Variants in BPIFB6 observed in about 807,000 individuals in gnomAD.
BPIFB6 encodes BPI fold containing family B member 6.
Under a neutral mutation model 54.7 loss-of-function variants are expected in BPIFB6, and 47 were observed. That is an observed-to-expected ratio of 0.86 (90% confidence interval 0.68 to 1.10). The LOEUF is 1.10. Among genes scored for constraint, BPIFB6 ranks in the 50% least tolerant of loss-of-function variants. BPIFB6 has a pLI of 0.00. For synonymous variants in BPIFB6, 255 were observed against 225.9 expected (o/e 1.13, Z -1.16); for missense variants, 603 against 564.1 (o/e 1.07, Z -0.70).
chr20:33,036,373 T>G, intron 6 of BPIFB6, 72 bp from the exon 7 acceptor site: 1 of 1,333,264 alleles, frequency 7.5e-7, no homozygotes, highest in Non-Finnish European at 1.0e-6. Flanking sequence ...AGGTAGCAGC[T>G]GGCTGGTGCC....
intron 9 of BPIFB6, 46 bp from the exon 10 acceptor site, chr20:33,039,281 CCCTTATTTCAACTGAAGCCA>C: frequency 6.8e-7 from 1 of 1,475,354 alleles, no homozygotes. Flanking sequence ...CTTGAGGGAC[CCCTTATTTCAACTGAAGCCA>C]CCAGTCTAAG....
At chr20:33,034,319 G>C in intron 3 of BPIFB6, 29 bp downstream of exon 3, 3 of 1,466,892 alleles carry the variant, frequency 2.0e-6, no homozygotes, top group Non-Finnish European at 2.9e-6. Flanking sequence ...GGGCAGCGGG[G>C]AGGAGAACGG....
chr20:33,033,786 A>G (rs1979205901), intron 2 of BPIFB6, among the ~76,000 whole-genome samples: 1 of 152,174 alleles, frequency 6.6e-6, no homozygotes. Flanking sequence ...CGGAGATGCT[A>G]TTAGACATCC....
At position 33,036,526 on chromosome 20, in the gene BPIFB6, T is replaced by C. The variant is rs750098811; in HGVS notation, c.659T>C (p.Leu220Pro). 4.3e-6 allele frequency: 7 copies of C among 1,614,056 alleles called. No homozygotes were observed. Among genetic ancestry groups the C allele is most frequent in the African/African-American group, 2.7e-5 (2 of 74,948 alleles). ...APATTASYIQLDFSPVVQQQK... is the reference protein window; with the variant it reads ...APATTASYIQPDFSPVVQQQK... Reference sequence around the variant, plus strand: ...GCCACCACAGCCAGCTACATCCAACTGGACTTCAGTGTAAGCGCCTAGGGC... The same window carrying C: ...GCCACCACAGCCAGCTACATCCAACCGGACTTCAGTGTAAGCGCCTAGGGC... Residue 220 changes from leucine (L) to proline (P), a missense_variant, in exon 7 of 15, where the codon CTG becomes CCG. By Grantham distance (98) the Leu-to-Pro change is moderately conservative. Coordinates refer to ENST00000349552, the MANE Select transcript of BPIFB6 (RefSeq NM_174897.2).
intron 1 of BPIFB6, among the ~76,000 whole-genome samples, chr20:33,032,456 G>C (rs1393991062): frequency 6.6e-6 from 1 of 152,160 alleles, no homozygotes; most frequent in Non-Finnish European, 1.5e-5. Context: ...CCCCAGAGGA[G>C]TCCCCTAATC....
intron 1 of BPIFB6, among the ~76,000 whole-genome samples, chr20:33,032,764 G>A (rs895035667): frequency 6.6e-6 from 1 of 152,182 alleles, no homozygotes; most frequent in African/African-American, 2.4e-5. Context: ...GCCTTCCCCA[G>A]CTCTTCTCTT....
rs555134502 is a variant in BPIFB6 at position 33,040,976 on chromosome 20, G to A, written c.1142+658G>A. Among the ~76,000 whole-genome samples the A allele has an allele frequency of 1.3e-4, 20 of 150,520 alleles. No homozygotes were observed. In the East Asian group the frequency reaches 2.7e-3, roughly 20 times the overall value. ...TTGGCTCATATAACTGAAAACTTTA[G>A]GAGTAGTTCTTTTTTTTTTTTTTTT... On this transcript the variant is annotated intron_variant, in intron 11 of 14. Transcript: ENST00000349552.
At chr20:33,035,308 A>G in intron 5 of BPIFB6, among the ~76,000 whole-genome samples, 164 bp downstream of exon 5, 1 of 152,140 alleles carries the variant, frequency 6.6e-6, no homozygotes, top group East Asian at 1.9e-4. Context: ...ACAATCATCT[A>G]GTGATGTCTG....
At chr20:33,042,979 T>C in intron 13 of BPIFB6, 101 bp downstream of exon 13, 1 of 1,040,672 alleles carries the variant, frequency 9.6e-7, no homozygotes. Flanking sequence ...TGGGCCCAGA[T>C]GGGGGAAGCT....
At chr20:33,035,572 T>C (rs1568985689) in intron 5 of BPIFB6, 40 bp from the exon 6 acceptor site, 1 of 1,602,402 alleles carries the variant, frequency 6.2e-7, no homozygotes, top group South Asian at 1.1e-5. Flanking sequence ...AGGCTCTCCA[T>C]GCAGGGACCC....
chr20:33,033,039 A>C lies in BPIFB6; in HGVS notation c.153A>C (p.Ala51=). ...TCCTGGAGAAGATGGCAGCCGAGGCAGGCAAGAAACAGCCAGGGATGAAAC... is the reference window on the plus strand; with the variant it reads ...TCCTGGAGAAGATGGCAGCCGAGGCCGGCAAGAAACAGCCAGGGATGAAAC... ...SHILEKMAAE[A]GKKQPGMKPI... Residue 51 remains alanine (A), a synonymous_variant, in exon 2 of 15, where the codon GCA becomes GCC. Transcript: ENST00000349552. 6.2e-7 allele frequency: 1 copy of C among 1,614,096 alleles called. No homozygotes were observed. The highest frequency in any genetic ancestry group is 8.5e-7 in the Non-Finnish European group (1 of 1,179,962).
At position 33,037,719 on chromosome 20, in the gene BPIFB6, T is replaced by A. The variant is rs748431089; in HGVS notation, c.827T>A (p.Val276Glu). 12 of 1,614,072 alleles carry A rather than the reference T, an allele frequency of 7.4e-6. No homozygotes were observed. The East Asian group carries it at 2.2e-4, about 30-fold the overall frequency. ...GCCCTTCTGCAGAAGTCCTTTCATGTGAATATCCAGGATACAATGGTGAGC... is the reference window on the plus strand; with the variant it reads ...GCCCTTCTGCAGAAGTCCTTTCATGAGAATATCCAGGATACAATGGTGAGC... Reference protein sequence around the residue: ...ELALLQKSFHVNIQDTMIGEL... With the variant: ...ELALLQKSFHENIQDTMIGEL... The change falls in exon 8 of 15, where the codon GTG becomes GAG. Residue 276 changes from valine to glutamate, a missense_variant. Coordinates refer to ENST00000349552, the MANE Select transcript of BPIFB6 (RefSeq NM_174897.2).
At chr20:33,032,138 GA>G (rs1203434195) in intron 1 of BPIFB6, among the ~76,000 whole-genome samples, 1 of 152,166 alleles carries the variant, frequency 6.6e-6, no homozygotes, top group African/African-American at 2.4e-5. Context: ...CTGTAAAGGT[GA>G]AATGTAAAGA....
At chr20:33,043,225 C>T in intron 13 of BPIFB6, 66 bp from the exon 14 acceptor site, 1 of 1,398,718 alleles carries the variant, frequency 7.1e-7, no homozygotes, top group South Asian at 1.2e-5. Flanking sequence ...ATCCCTACCC[C>T]AGGCTGCCAC....
At chr20:33,033,471 C>T in intron 2 of BPIFB6, 1 of 454,024 alleles carries the variant, frequency 2.2e-6, no homozygotes, top group Admixed American at 2.4e-5. Flanking sequence ...GGTTCCTCTG[C>T]CAGTGCCACA....
At chr20:33,041,919 C>G (rs1465728910) in intron 11 of BPIFB6, 51 bp from the exon 12 acceptor site, 4 of 1,579,852 alleles carry the variant, frequency 2.5e-6, no homozygotes, top group Admixed American at 1.7e-5. Flanking sequence ...GCCACTGGCT[C>G]TGACCGTTCT....
chr20:33,037,738 G>T lies in BPIFB6; in HGVS notation c.846G>T (p.Met282Ile), dbSNP rs374063484. 2 of 1,613,988 alleles carry T rather than the reference G, an allele frequency of 1.2e-6. No individual in the cohort carries two copies. Among genetic ancestry groups the T allele is most frequent in the South Asian group, 2.2e-5 (2 of 91,040 alleles). ...KSFHVNIQDT[M>I]IGELPPQTTK... is the part of the protein sequence containing the mutation. ...TTCATGTGAATATCCAGGATACAAT[G>T]GTGAGCTGTCCAGTTCCCCATTTCC... The change falls in exon 8 of 15, where the codon ATG becomes ATT. Residue 282 changes from methionine (M) to isoleucine (I), a missense_variant and splice_region_variant. Coordinates refer to ENST00000349552, the MANE Select transcript of BPIFB6 (RefSeq NM_174897.2).
downstream of BPIFB6, chr20:33,044,075 C>T: frequency 6.2e-7 from 1 of 1,614,022 alleles, no homozygotes; most frequent in African/African-American, 1.3e-5. Flanking sequence ...TGCCAGCTGC[C>T]TGCTTACCAC....
At chr20:33,032,104 C>T (rs1979127387) in intron 1 of BPIFB6, among the ~76,000 whole-genome samples, 1 of 152,162 alleles carries the variant, frequency 6.6e-6, no homozygotes, top group Non-Finnish European at 1.5e-5. Flanking sequence ...GTTACTTGGC[C>T]TCCCTGTGTT....
Sources: allele counts gnomAD v4.1 joint callset (sites outside exome capture counted in the v4.1 genomes callset), GRCh38; gene constraint gnomAD v4.1.1; transcripts MANE v1.5; gene names NCBI Gene and HGNC (gene_info 2026-07-23, HGNC 2026-07-21).